DNHD1: variants seen among roughly 807,000 people sequenced by gnomAD.
DNHD1 encodes dynein heavy chain domain 1.
DNHD1 carries 383 observed loss-of-function variants against 458.1 expected under a neutral mutation model. The observed-to-expected ratio is 0.84, with a 90% CI of 0.77 to 0.91. The LOEUF is 0.91. Among genes scored for constraint, DNHD1 ranks in the 40% least tolerant of loss-of-function variants. The probability of loss-of-function intolerance (pLI) is 0.00; values close to 1 mark genes in which losing one functional copy is unlikely to be tolerated. For synonymous variants in DNHD1, 2,203 were observed against 2,376.9 expected, an observed-to-expected ratio of 0.93 and a Z score of 2.13; for missense variants, 5,336 against 5,866.1, an observed-to-expected ratio of 0.91 and a Z score of 2.95.
At chr11:6,550,073 C>T (rs940488250) in intron 24 of DNHD1, among the ~76,000 whole-genome samples, 6 of 152,162 alleles carry the variant, frequency 3.9e-5, no homozygotes, top group South Asian at 2.1e-4. Flanking sequence ...CAGATGTATT[C>T]GTACTTAATA....
At position 6,556,702 on chromosome 11, in the gene DNHD1, G is replaced by C; in HGVS notation, c.7407G>C (p.Gln2469His). The change falls in exon 25 of 43, where the codon CAG (glutamine) becomes CAC (histidine). Residue 2469 changes from glutamine to histidine, a missense_variant. Transcript: ENST00000254579. ...LATSDPEKSCQPVLETLRQAM... is the reference protein window; with the variant it reads ...LATSDPEKSCHPVLETLRQAM... ...CCATAGACCCAGAGAAGAGCTGCCA[G>C]CCAGTGTTGGAGACTCTGCGCCAGG... 1 of 1,543,972 alleles carries C rather than the reference G, an allele frequency of 6.5e-7. No homozygotes were observed. Among genetic ancestry groups the C allele is most frequent in the Non-Finnish European group, 8.8e-7 (1 of 1,140,656 alleles).
chr11:6,498,196 A>T lies in DNHD1; in HGVS notation c.-20A>T. The T allele has an allele frequency of 1.3e-6, 2 of 1,597,876 alleles. No homozygotes were observed. The highest frequency in any genetic ancestry group is 1.7e-6 in the Non-Finnish European group (2 of 1,170,118). Reference sequence around the variant, plus strand: ...CTATGGGCAAGGTCACTTCGACAGCAGTTGAATGCCCAGCTCCTCATGGTC... The same window carrying T: ...CTATGGGCAAGGTCACTTCGACAGCTGTTGAATGCCCAGCTCCTCATGGTC... On this transcript the variant is annotated 5_prime_UTR_variant, in exon 3 of 43. Transcript: ENST00000254579.
At chr11:6,551,325 T>A (rs1265882930) in intron 24 of DNHD1, among the ~76,000 whole-genome samples, 4 of 152,184 alleles carry the variant, frequency 2.6e-5, no homozygotes, top group African/African-American at 4.8e-5. Context: ...GAGATGCAAC[T>A]AAAGGTTATA....
In DNHD1 at chr11:6,505,365, G is replaced by A. The variant is rs1852211000; in HGVS notation, c.920+2439G>A. On this transcript the variant is annotated intron_variant, in intron 4 of 42. Coordinates refer to ENST00000254579, the MANE Select transcript of DNHD1 (RefSeq NM_144666.3). This position sits in a 1 kb window ranked among gnomAD's most constrained non-coding sequence, Gnocchi z 4.4. ...CCTCCCAGGTTCAAGCGATTCTCCT[G>A]CCACAGCCTCCCAAGTAGCTTTGAT... is the stretch of plus-strand genomic sequence containing the variant. Among the ~76,000 whole-genome samples, 1 of 152,056 alleles carries A rather than the reference G, an allele frequency of 6.6e-6. No individual in the cohort carries two copies. Among genetic ancestry groups the A allele is most frequent in the African/African-American group, 2.4e-5 (1 of 41,470 alleles).
rs752479957 is a variant in DNHD1 at position 6,567,060 on chromosome 11, C to T, written c.11551C>T (p.Arg3851Ter). ...GGAGATGGTATTGTGGGCACCCTATCGACCTGTGGTTTGGCATGGAATGGC... is the reference window on the plus strand; with the variant it reads ...GGAGATGGTATTGTGGGCACCCTATTGACCTGTGGTTTGGCATGGAATGGC... ...LQEMVLWAPY[R>*]PVVWHGMAMV... The change falls in exon 36 of 43, where the codon CGA (arginine) becomes TGA (stop). Residue 3851 changes from arginine (R) to a stop codon, truncating the protein, a stop_gained. Coordinates refer to ENST00000254579, the MANE Select transcript of DNHD1 (RefSeq NM_144666.3). LOFTEE classifies it high-confidence loss of function. 3.1e-6 allele frequency: 5 copies of T among 1,613,914 alleles called. No individual in the cohort carries two copies. The highest frequency in any genetic ancestry group is 4.2e-6 in the Non-Finnish European group (5 of 1,179,906).
rs75500652 is a variant in DNHD1 at position 6,560,892 on chromosome 11, A to T, written c.9519+1609A>T. ...TTTGTTCAGGCATTTCTTAATATTT[A>T]TGTCTATGTCAATATATGCCTACAT... On this transcript the variant is annotated intron_variant, in intron 28 of 42. Transcript: ENST00000254579. Among the ~76,000 whole-genome samples the T allele has an allele frequency of 9.9e-5, 15 of 152,246 alleles. No homozygotes were observed. The East Asian group carries it at 2.5e-3, about 25-fold the overall frequency.
intron 6 of DNHD1, 58 bp from the exon 7 acceptor site, chr11:6,511,215 A>G (rs895061799): frequency 3.1e-6 from 5 of 1,594,096 alleles, no homozygotes; most frequent in African/African-American, 2.7e-5. Context: ...GAAGAGGTCA[A>G]AGGTATCCAA....
rs1474911361 is a variant in DNHD1, at chr11:6,545,789, A to G, written c.4850A>G (p.Lys1617Arg). ...TTGGGTTCACCTCACATAATCCCCA[A>G]AAGCCCCCTACAGAGTCTTAAGACT... ...YHLGSPHIIP[K>R]SPLQSLKTIA... is the part of the protein sequence containing the mutation. The change falls in exon 21 of 43, where the codon AAA (lysine) becomes AGA (arginine). Residue 1617 changes from lysine to arginine, a missense_variant. By Grantham distance (26) the Lys-to-Arg change is conservative. Around this residue, in one of 4 missense-constraint regions of DNHD1, gnomAD observed 3,932 missense variants for 4,365.6 expected, o/e 0.90. Coordinates refer to ENST00000254579, the MANE Select transcript of DNHD1 (RefSeq NM_144666.3). The surrounding 1 kb of genome is among the most constrained non-coding windows in gnomAD (Gnocchi z 4.9). The G allele has an allele frequency of 1.4e-5, 21 of 1,551,666 alleles. No individual in the cohort carries two copies. Among genetic ancestry groups the G allele is most frequent in the Middle Eastern group, 1.7e-4 (1 of 6,014 alleles).
chr11:6,498,910 G>A lies in DNHD1; in HGVS notation c.695G>A (p.Ser232Asn), dbSNP rs777933250. The A allele has an allele frequency of 3.7e-6, 6 of 1,613,370 alleles. No individual in the cohort carries two copies. The highest frequency in any genetic ancestry group is 3.3e-5 in the South Asian group (3 of 90,946). The change falls in exon 3 of 43, where the codon AGC becomes AAC. Residue 232 changes from serine (S) to asparagine (N), a missense_variant. By Grantham distance (46) the Ser-to-Asn change is conservative. This residue lies in a region of DNHD1 where 3,932 missense variants were observed against 4,365.6 expected (regional missense o/e 0.90). Transcript: ENST00000254579. ...LAADIPVRYE[S>N]SDTDNAEVEP... ...GCGGACATCCCTGTACGGTATGAAA[G>A]CAGTGACACTGACAATGCAGAGGTG...
At chr11:6,516,996 G>A (rs1040890360) in intron 7 of DNHD1, among the ~76,000 whole-genome samples, 22 of 152,166 alleles carry the variant, frequency 1.4e-4, no homozygotes, top group African/African-American at 4.3e-4. Context: ...ACCATAATCT[G>A]GGTGGCTTAC....
intron 10 of DNHD1, chr11:6,520,500 T>C (rs1852584425): frequency 3.5e-6 from 5 of 1,420,844 alleles, no homozygotes; most frequent in Non-Finnish European, 4.6e-6. Flanking sequence ...GTTATGTGTA[T>C]GTGCGTGCAA....
At chr11:6,535,199 G>T (rs567631001) in intron 14 of DNHD1, among the ~76,000 whole-genome samples, 1 of 152,164 alleles carries the variant, frequency 6.6e-6, no homozygotes, top group South Asian at 2.1e-4. Flanking sequence ...ATTTCCTATG[G>T]TATCACTTTG....
In DNHD1 at chr11:6,564,685, A is replaced by G. The variant is rs900212670; in HGVS notation, c.10637A>G (p.His3546Arg). Reference sequence around the variant, plus strand: ...GGCTTGCTTCTGCGAAGCCCCACACACTACAGTAGTTGCCGTTGGCCTCTG... The same window carrying G: ...GGCTTGCTTCTGCGAAGCCCCACACGCTACAGTAGTTGCCGTTGGCCTCTG... The part of the protein sequence containing the change: ...LAGLLLRSPT[H>R]YSSCRWPLLL... The change falls in exon 32 of 43, where the codon CAC (histidine) becomes CGC (arginine). Residue 3546 changes from histidine (H) to arginine (R), a missense_variant. His to Arg is a conservative substitution (Grantham distance 29). Coordinates refer to ENST00000254579, the MANE Select transcript of DNHD1 (RefSeq NM_144666.3). The G allele has an allele frequency of 2.6e-6, 4 of 1,551,516 alleles. No homozygotes were observed. The highest frequency in any genetic ancestry group is 3.5e-6 in the Non-Finnish European group (4 of 1,146,888).
chr11:6,567,765 C>G lies in DNHD1; in HGVS notation c.12256C>G (p.Gln4086Glu). 1 of 1,614,006 alleles carries G rather than the reference C, an allele frequency of 6.2e-7. No homozygotes were observed. Residue 4086 changes from glutamine (Q) to glutamate (E), a missense_variant, in exon 36 of 43, where the codon CAG (glutamine) becomes GAG (glutamate). Physicochemically the swap from Gln to Glu is conservative, Grantham distance 29. Transcript: ENST00000254579. ...TMPFKHSQAT[Q>E]PMLILLPPPG... The stretch of plus-strand genomic sequence containing the variant: ...GCCCTTTAAACATAGTCAGGCTACT[C>G]AGCCCATGCTGATCTTGTTGCCACC...
At chr11:6,507,857 A>C (rs533123995) in intron 4 of DNHD1, among the ~76,000 whole-genome samples, 83 of 152,320 alleles carry the variant, frequency 5.4e-4, no homozygotes, top group Middle Eastern at 3.4e-3. Flanking sequence ...ATACTTAAGA[A>C]ACTTTAGTAA....
In DNHD1 at chr11:6,547,400, A is replaced by G; in HGVS notation, c.6461A>G (p.Gln2154Arg). 6.4e-7 allele frequency: 1 copy of G among 1,551,770 alleles called. No individual in the cohort carries two copies. The highest frequency in any genetic ancestry group is 2.4e-5 in the East Asian group (1 of 40,920). ...TGGTGTGGTGGAGAGCAGACTTGGC[A>G]GTGTATACTTAGTGCCCTGATGGCA... ...LVWCGGEQTW[Q>R]CILSALMASL... Residue 2154 changes from glutamine (Q) to arginine (R), a missense_variant, in exon 21 of 43, where the codon CAG (glutamine) becomes CGG (arginine). By Grantham distance (43) the Gln-to-Arg change is conservative. This residue lies in a region of DNHD1 where 3,932 missense variants were observed against 4,365.6 expected (regional missense o/e 0.90). Coordinates refer to ENST00000254579, the MANE Select transcript of DNHD1 (RefSeq NM_144666.3).
intron 24 of DNHD1, among the ~76,000 whole-genome samples, chr11:6,555,153 A>G (rs1463852281): frequency 2.0e-5 from 3 of 151,904 alleles, no homozygotes; most frequent in Non-Finnish European, 2.9e-5. Flanking sequence ...ATTCCCTTAC[A>G]TATACTGCCA....
At chr11:6,556,569 A>T (rs1853463405) in intron 24 of DNHD1, 114 bp from the exon 25 acceptor site, 3 of 1,038,516 alleles carry the variant, frequency 2.9e-6, no homozygotes, top group Admixed American at 5.7e-5. Context: ...AAGTCCCAAC[A>T]CGTCAGATTC....
At position 6,570,679 on chromosome 11, in the gene DNHD1, A is replaced by C. The variant is rs763875931; in HGVS notation, c.13167A>C (p.Pro4389=). The change falls in exon 42 of 43, where the codon CCA becomes CCC. Residue 4389 remains proline, a synonymous_variant. Transcript: ENST00000254579. ...CCCAGATGCACCTACTGCCCTCACCACCTGAACCCCGGCTCTGCGGACTGA... is the reference window on the plus strand; with the variant it reads ...CCCAGATGCACCTACTGCCCTCACCCCCTGAACCCCGGCTCTGCGGACTGA... ...CKAQMHLLPS[P]PEPRLCGLSE... 6.2e-7 allele frequency: 1 copy of C among 1,611,754 alleles called. No individual in the cohort carries two copies. The highest frequency in any genetic ancestry group is 1.1e-5 in the South Asian group (1 of 90,514).
Sources: allele counts gnomAD v4.1 joint callset (sites outside exome capture counted in the v4.1 genomes callset), GRCh38; gene constraint gnomAD v4.1.1; regional missense constraint gnomAD v4.1.1; non-coding constraint Gnocchi (gnomAD v3.1); transcripts MANE v1.5; gene names NCBI Gene and HGNC (gene_info 2026-07-23, HGNC 2026-07-21).